The following DDX23 variants were observed in gnomAD, a reference collection of about 807,000 sequenced individuals.
DDX23 encodes the protein DEAD-box helicase 23.
In DDX23, 33 loss-of-function variants were observed where a neutral mutation model predicts 102.7. That is an observed-to-expected ratio of 0.32 (90% CI 0.24 to 0.43). The LOEUF is 0.43. Among genes scored for constraint, DDX23 ranks in the 20% least tolerant of loss-of-function variants. The pLI, the probability that DDX23 is intolerant of heterozygous loss-of-function variation, is 1.00. For missense variants in DDX23, 549 were observed against 1,086.6 expected (o/e 0.51, Z 6.96); for synonymous variants, 352 against 376.0 (o/e 0.94, Z 0.74).
chr12:48,843,139 T>C (rs1938598418), intron 3 of DDX23, among the ~76,000 whole-genome samples: 1 of 149,354 alleles, frequency 6.7e-6, no homozygotes, highest in African/African-American at 2.5e-5. Flanking sequence ...TAATCTCAAG[T>C]ACCCAGGGAC....
chr12:48,845,320 G>A (rs61941110), intron 2 of DDX23, among the ~76,000 whole-genome samples: 12,455 of 151,922 alleles, frequency 0.082, 688 homozygotes, highest in Non-Finnish European at 0.12. Flanking sequence ...GCATGGTGTC[G>A]GGCGCCTGTA....
At position 48,832,355 on chromosome 12, in the gene DDX23, C is replaced by T; in HGVS notation, c.1955+67G>A. 1 of 1,588,068 alleles carries T rather than the reference C, an allele frequency of 6.3e-7. No individual in the cohort carries two copies. The highest frequency in any genetic ancestry group is 1.1e-5 in the South Asian group (1 of 88,112). ...GAGCAATTGCCCTGCCCTGCACCTG[C>T]ACTAAAAAAGTTCTCAGAGCCATTT... On this transcript the variant is annotated intron_variant, in intron 14 of 16. Coordinates refer to ENST00000308025, the MANE Select transcript of DDX23 (RefSeq NM_004818.3). The surrounding 1 kb of genome is among the most constrained non-coding windows in gnomAD (Gnocchi z 4.4).
rs529439643 is a variant in DDX23, at chr12:48,841,907, T to A, written c.321-1801A>T. ...TCCCATCTAGGAAGTGAGGAGCGTC[T>A]CTGCCAGGCCGCCCATCGTCTGAGA... On this transcript the variant is annotated intron_variant, in intron 3 of 16. Coordinates refer to ENST00000308025, the MANE Select transcript of DDX23 (RefSeq NM_004818.3). 9.2e-5 allele frequency among the ~76,000 whole-genome samples: 14 copies of A among 152,206 alleles called. No individual in the cohort carries two copies. In the South Asian group the frequency reaches 2.7e-3, roughly 29 times the overall value.
intron 3 of DDX23, among the ~76,000 whole-genome samples, chr12:48,842,176 G>C (rs985995082): frequency 1.2e-4 from 13 of 107,480 alleles, no homozygotes; most frequent in South Asian, 3.0e-4. Flanking sequence ...AGGGAGGTGG[G>C]GGGGGTTAGC....
At position 48,837,949 on chromosome 12, in the gene DDX23, C is replaced by T. The variant is rs1195337663; in HGVS notation, c.612G>A (p.Lys204=). ...CAGGGTAGAATAACAAACCCAACAT[C>T]TTCCTGCCCAAGTCTTGGAACTGTT... ...KRKQFQDLGR[K]MLEDPQERER... Residue 204 remains lysine (K), a synonymous_variant, in exon 6 of 17, where the codon AAG becomes AAA. Coordinates refer to ENST00000308025, the MANE Select transcript of DDX23 (RefSeq NM_004818.3). 2 of 1,612,764 alleles carry T rather than the reference C, an allele frequency of 1.2e-6. No individual in the cohort carries two copies. The highest frequency in any genetic ancestry group is 1.7e-6 in the Non-Finnish European group (2 of 1,180,042).
chr12:48,836,638 G>A lies in DDX23; in HGVS notation c.1167C>T (p.Pro389=). Residue 389 remains proline, a synonymous_variant, in exon 10 of 17, where the codon CCC becomes CCT. Transcript: ENST00000308025. The surrounding 1 kb of genome is among the most constrained non-coding windows in gnomAD (Gnocchi z 6.1). ...GAGAAGAGTCTTTCCAGGATCGGATGGGATTGGGGATCTTGCCACCTTTGG... is the reference window on the plus strand; with the variant it reads ...GAGAAGAGTCTTTCCAGGATCGGATAGGATTGGGGATCTTGCCACCTTTGG... The part of the protein sequence containing the change: ...ITTKGGKIPN[P]IRSWKDSSLP... The A allele has an allele frequency of 1.2e-6, 2 of 1,614,204 alleles. No individual in the cohort carries two copies. Among genetic ancestry groups the A allele is most frequent in the South Asian group, 2.2e-5 (2 of 91,082 alleles).
chr12:48,845,811 T>G (rs1183229783), intron 1 of DDX23, 29 bp from the exon 2 acceptor site: 2 of 1,607,882 alleles, frequency 1.2e-6, no homozygotes. Context: ...GTACTTACAA[T>G]GTACTAGGCA....
At chr12:48,831,531 C>T (rs181269442) in intron 15 of DDX23, among the ~76,000 whole-genome samples, 2 of 152,088 alleles carry the variant, frequency 1.3e-5, no homozygotes, top group African/African-American at 4.8e-5. Flanking sequence ...CAGGGACACA[C>T]AGAGTAAGGT....
At position 48,832,288 on chromosome 12, in the gene DDX23, A is replaced by G; in HGVS notation, c.1956-102T>C. ...ACTACTTTCAGGGTCTTTAATGCCC[A>G]TGACATTCTGCCCAAGAAAACAGCA... On this transcript the variant is annotated intron_variant, in intron 14 of 16. Coordinates refer to ENST00000308025, the MANE Select transcript of DDX23 (RefSeq NM_004818.3). The surrounding 1 kb of genome is among the most constrained non-coding windows in gnomAD (Gnocchi z 4.4). The G allele has an allele frequency of 1.3e-6, 2 of 1,546,566 alleles. No individual in the cohort carries two copies. The highest frequency in any genetic ancestry group is 1.8e-6 in the Non-Finnish European group (2 of 1,127,640).
chr12:48,834,821 C>A, intron 11 of DDX23: 1 of 217,798 alleles, frequency 4.6e-6, no homozygotes, highest in Non-Finnish European at 9.3e-6. Flanking sequence ...GTAATACCAG[C>A]TACTCGGGAG....
At position 48,836,821 on chromosome 12, in the gene DDX23, G is replaced by C. The variant is rs375726684; in HGVS notation, c.1011-27C>G. The C allele has an allele frequency of 7.4e-6, 12 of 1,613,038 alleles. No homozygotes were observed. The African/African-American group carries it at 1.2e-4, about 16-fold the overall frequency. ...TGGAGCAGGGTGTGAGGAGTAAGTA[G>C]AATCAGTGCCCTCCAACTCCTTTCT... is the stretch of plus-strand genomic sequence containing the variant. On this transcript the variant is annotated intron_variant, in intron 9 of 16. Transcript: ENST00000308025. This position sits in a 1 kb window ranked among gnomAD's most constrained non-coding sequence, Gnocchi z 6.1.
chr12:48,837,262 C>G lies in DDX23; in HGVS notation c.866+19G>C, dbSNP rs1938478714. Reference sequence around the variant, plus strand: ...TGCCTAGTGGAAAAGACCTAGAACTCAGGCCTGAAGCCACTCACAGGGGGT... The same window carrying G: ...TGCCTAGTGGAAAAGACCTAGAACTGAGGCCTGAAGCCACTCACAGGGGGT... On this transcript the variant is annotated intron_variant, in intron 8 of 16. Coordinates refer to ENST00000308025, the MANE Select transcript of DDX23 (RefSeq NM_004818.3). 6.2e-7 allele frequency: 1 copy of G among 1,610,508 alleles called. No individual in the cohort carries two copies. Among genetic ancestry groups the G allele is most frequent in the African/African-American group, 1.3e-5 (1 of 74,858 alleles).
At chr12:48,831,362 A>G in intron 15 of DDX23, 46 bp from the exon 16 acceptor site, 2 of 1,596,106 alleles carry the variant, frequency 1.3e-6, no homozygotes, top group African/African-American at 1.3e-5. Context: ...GCAATCAAGG[A>G]GAGACACAGG....
At chr12:48,846,422 TC>T (rs532994148) in intron 1 of DDX23, among the ~76,000 whole-genome samples, 223 of 152,334 alleles carry the variant, frequency 1.5e-3, no homozygotes, top group African/African-American at 5.0e-3. Flanking sequence ...GTTTATTAGG[TC>T]TGCCAACCCA....
At position 48,832,954 on chromosome 12, in the gene DDX23, GC is replaced by G; in HGVS notation, c.1803+322del. The G allele has an allele frequency of 2.2e-6, 1 of 454,960 alleles. No homozygotes were observed. Among genetic ancestry groups the G allele is most frequent in the Non-Finnish European group, 4.0e-6 (1 of 252,232 alleles). The allele number at this position is 454,960 out of a possible 1,614,324, so 28.2% of individuals were successfully genotyped here. ...TCTGAGCCCACCTAAGGCAAGAAAG[GC>G]CCAAAAGGAGGTTGGCAACCTTGTA... On this transcript the variant is annotated intron_variant, in intron 13 of 16. Coordinates refer to ENST00000308025, the MANE Select transcript of DDX23 (RefSeq NM_004818.3). The surrounding 1 kb of genome is among the most constrained non-coding windows in gnomAD (Gnocchi z 4.4).
chr12:48,843,925 C>T lies in DDX23; in HGVS notation c.320+15G>A. 6.2e-7 allele frequency: 1 copy of T among 1,613,318 alleles called. No individual in the cohort carries two copies. Among genetic ancestry groups the T allele is most frequent in the Non-Finnish European group, 8.5e-7 (1 of 1,179,298 alleles). The stretch of plus-strand genomic sequence containing the variant: ...GGAGCATTCCCCTAAAGCCCCCTCT[C>T]ATTCCTTCATGTACCTGGATCGTTT... On this transcript the variant is annotated intron_variant, in intron 3 of 16. Transcript: ENST00000308025.
chr12:48,831,583 GA>G (rs1938387346), intron 15 of DDX23, among the ~76,000 whole-genome samples: 1 of 152,116 alleles, frequency 6.6e-6, no homozygotes, highest in Admixed American at 6.6e-5. Context: ...CCAGACAGAT[GA>G]AAAGTCCTCA....
chr12:48,837,228 C>T, intron 8 of DDX23, 53 bp downstream of exon 8: 1 of 1,589,652 alleles, frequency 6.3e-7, no homozygotes, highest in Non-Finnish European at 8.6e-7. Context: ...GTCATCAGCT[C>T]TCTAGGACTG....
chr12:48,835,973 T>G, intron 11 of DDX23, 148 bp downstream of exon 11: 2 of 936,706 alleles, frequency 2.1e-6, no homozygotes, highest in Admixed American at 4.4e-5. Flanking sequence ...TTCTTCGATA[T>G]CATGATCCAA....
Sources: allele counts gnomAD v4.1 joint callset (sites outside exome capture counted in the v4.1 genomes callset), GRCh38; gene constraint gnomAD v4.1.1; non-coding constraint Gnocchi (gnomAD v3.1); transcripts MANE v1.5; gene names NCBI Gene and HGNC (gene_info 2026-07-23, HGNC 2026-07-21).